The following PTPRD variants were observed in gnomAD, a reference collection of about 807,000 sequenced individuals.
The protein encoded by PTPRD is receptor-type tyrosine-protein phosphatase delta.
In PTPRD, 34 loss-of-function variants were observed where a neutral mutation model predicts 214.5. That is an observed-to-expected ratio of 0.16 (90% CI 0.12 to 0.21). The LOEUF (loss-of-function observed/expected upper bound fraction) is 0.21, where lower values mean the gene tolerates loss of function less well. Ranked by LOEUF, PTPRD falls within the 10% of genes least tolerant of loss-of-function variation. The pLI is 1.00. For synonymous variants in PTPRD, 1,128 were observed against 845.7 expected, an observed-to-expected ratio of 1.33 and a Z score of -5.79; for missense variants, 2,545 against 2,398.7, an observed-to-expected ratio of 1.06 and a Z score of -1.27.
intron 36 of PTPRD, among the ~76,000 whole-genome samples, chr9:8,401,672 G>C (rs746087732): frequency 2.0e-5 from 3 of 151,978 alleles, no homozygotes; most frequent in African/African-American, 7.2e-5. Flanking sequence ...ATTTTTCCCT[G>C]TTATTCTCTC....
rs908570055 is a variant in PTPRD at position 9,888,613 on chromosome 9, T to G, written c.-368+49894A>C. Among the ~76,000 whole-genome samples, 4 of 152,242 alleles carry G rather than the reference T, an allele frequency of 2.6e-5. No individual in the cohort carries two copies. In the South Asian group the frequency reaches 8.3e-4, roughly 32 times the overall value. On this transcript the variant is annotated intron_variant, in intron 5 of 45. Transcript: ENST00000381196. Reference sequence around the variant, plus strand: ...ATTCCTTCCCCTTTTTCTTTCTTCCTTCCTGTCACAATGTGATGCCTGCTC... The same window carrying G: ...ATTCCTTCCCCTTTTTCTTTCTTCCGTCCTGTCACAATGTGATGCCTGCTC...
At chr9:9,259,820 A>G (rs1334387706) in intron 9 of PTPRD, among the ~76,000 whole-genome samples, 1 of 151,900 alleles carries the variant, frequency 6.6e-6, no homozygotes, top group Non-Finnish European at 1.5e-5. Context: ...AAGGAAGGAT[A>G]GAACTCTGAC....
chr9:9,769,498 T>C (rs2098734687), intron 5 of PTPRD, among the ~76,000 whole-genome samples: 1 of 151,894 alleles, frequency 6.6e-6, no homozygotes, highest in Non-Finnish European at 1.5e-5. Context: ...GCTAATTTTT[T>C]GTATTTTTTA....
intron 11 of PTPRD, among the ~76,000 whole-genome samples, chr9:8,735,481 T>G (rs1158609308): frequency 6.6e-6 from 1 of 152,142 alleles, no homozygotes; most frequent in Non-Finnish European, 1.5e-5. Context: ...GGTCACATAT[T>G]TGCATAAATT....
At chr9:10,372,550 T>C (rs1272476145) in intron 2 of PTPRD, among the ~76,000 whole-genome samples, 1 of 152,084 alleles carries the variant, frequency 6.6e-6, no homozygotes, top group Non-Finnish European at 1.5e-5. Flanking sequence ...ATTAACACTT[T>C]TCATACCCAT....
At position 10,476,245 on chromosome 9, in the gene PTPRD, A is replaced by C. The variant is rs181427283; in HGVS notation, c.-599-135228T>G. ...TATATTTAGAAAACCCCATAGTCTC[A>C]GCCCAAAAACTCCTTAAGCTAATAA... On this transcript the variant is annotated intron_variant, in intron 2 of 45. Coordinates refer to ENST00000381196, the MANE Select transcript of PTPRD (RefSeq NM_002839.4). Among the ~76,000 whole-genome samples the C allele has an allele frequency of 2.6e-5, 4 of 152,312 alleles. No individual in the cohort carries two copies. In the East Asian group the frequency reaches 5.8e-4, roughly 22 times the overall value.
In PTPRD at chr9:9,000,998, C is replaced by T. The variant is rs564065442; in HGVS notation, c.-104+17699G>A. Among the ~76,000 whole-genome samples the T allele has an allele frequency of 2.6e-5, 4 of 152,072 alleles. No homozygotes were observed. In the East Asian group the frequency reaches 7.8e-4, roughly 29 times the overall value. On this transcript the variant is annotated intron_variant, in intron 11 of 45. Transcript: ENST00000381196. ...ACGCACAGCCAGCAAATGACCCATC[C>T]ATCGAACAGCCATGATTATCCTGCC...
chr9:9,184,577 C>G (rs2099930227), intron 9 of PTPRD, among the ~76,000 whole-genome samples: 1 of 152,042 alleles, frequency 6.6e-6, no homozygotes, highest in Admixed American at 6.6e-5. Context: ...CATCTATTGG[C>G]ACTGCGTTTT....
chr9:10,390,164 C>A (rs567404932), intron 2 of PTPRD, among the ~76,000 whole-genome samples: 5 of 151,896 alleles, frequency 3.3e-5, no homozygotes, highest in East Asian at 2.0e-4. Flanking sequence ...TCATATAAAT[C>A]ATTTCATATG....
At chr9:9,389,183 C>G (rs1034432350) in intron 9 of PTPRD, among the ~76,000 whole-genome samples, 1 of 152,078 alleles carries the variant, frequency 6.6e-6, no homozygotes, top group Admixed American at 6.6e-5. Flanking sequence ...TAGCAGCATA[C>G]TGCTTAATGA....
At chr9:8,330,702 A>G (rs1386300896) in intron 44 of PTPRD, among the ~76,000 whole-genome samples, 2 of 152,150 alleles carry the variant, frequency 1.3e-5, no homozygotes, top group Non-Finnish European at 2.9e-5. Context: ...ATAGAGCCAA[A>G]TAATAGAATT....
At chr9:8,888,922 T>A (rs1229032060) in intron 11 of PTPRD, among the ~76,000 whole-genome samples, 1 of 152,220 alleles carries the variant, frequency 6.6e-6, no homozygotes, top group Non-Finnish European at 1.5e-5. Flanking sequence ...TTATTTTCCT[T>A]ATCTGTATAA....
intron 5 of PTPRD, among the ~76,000 whole-genome samples, chr9:9,784,236 C>T (rs756984639): frequency 2.6e-5 from 4 of 152,020 alleles, no homozygotes; most frequent in Non-Finnish European, 4.4e-5. Flanking sequence ...ATAAAGCTAA[C>T]ATATCTAAAA....
At chr9:10,041,940 T>C (rs2097303288) in intron 3 of PTPRD, among the ~76,000 whole-genome samples, 1 of 152,030 alleles carries the variant, frequency 6.6e-6, no homozygotes, top group Non-Finnish European at 1.5e-5. Flanking sequence ...ACATCTTCAG[T>C]GACAGAATTT....
intron 9 of PTPRD, among the ~76,000 whole-genome samples, chr9:9,273,434 T>C (rs1472212764): frequency 6.6e-6 from 1 of 151,274 alleles, no homozygotes; most frequent in African/African-American, 2.4e-5. Context: ...TACATACATA[T>C]AGCAGATATT....
intron 11 of PTPRD, among the ~76,000 whole-genome samples, chr9:8,737,784 G>C (rs1396081024): frequency 6.6e-6 from 1 of 152,084 alleles, no homozygotes; most frequent in African/African-American, 2.4e-5. Flanking sequence ...CTGAGTGGCT[G>C]GGATTACAGG....
At chr9:8,777,559 A>G (rs2095533924) in intron 11 of PTPRD, among the ~76,000 whole-genome samples, 1 of 152,228 alleles carries the variant, frequency 6.6e-6, no homozygotes, top group African/African-American at 2.4e-5. Context: ...TTTGTTTTTT[A>G]AGATACCTAA....
chr9:10,163,732 T>C (rs572450467), intron 3 of PTPRD, among the ~76,000 whole-genome samples: 1 of 151,522 alleles, frequency 6.6e-6, no homozygotes, highest in Non-Finnish European at 1.5e-5. Flanking sequence ...AATATTCTTC[T>C]TAGTAATCCT....
chr9:8,739,219 G>A (rs1431668224), intron 11 of PTPRD, among the ~76,000 whole-genome samples: 2 of 152,212 alleles, frequency 1.3e-5, no homozygotes, highest in African/African-American at 4.8e-5. Context: ...TAGGCCCTCA[G>A]TGTCCAGCTA....
Sources: gnomAD v4.1 joint callset for allele counts (sites outside exome capture counted in the v4.1 genomes callset) on GRCh38, gnomAD v4.1.1 for gene constraint, MANE v1.5 for transcripts, NCBI Gene and HGNC (gene_info 2026-07-23, HGNC 2026-07-21) for gene names.